TLCD4: variants seen among roughly 807,000 people sequenced by gnomAD.
TLCD4 encodes the protein TLC domain-containing protein 4.
In TLCD4, 7 loss-of-function variants were observed where a neutral mutation model predicts 24.2. The observed-to-expected ratio is 0.29, with a 90% confidence interval of 0.16 to 0.54. The LOEUF (loss-of-function observed/expected upper bound fraction) is 0.54, where lower values mean the gene tolerates loss of function less well. Among genes scored for constraint, TLCD4 ranks in the 20% least tolerant of loss-of-function variants. The probability of loss-of-function intolerance (pLI) is 0.95; values close to 1 mark genes in which losing one functional copy is unlikely to be tolerated. For synonymous variants in TLCD4, 103 were observed against 106.4 expected (o/e 0.97, Z 0.20); for missense variants, 259 against 313.9 (o/e 0.82, Z 1.32).
chr1:95,126,848 C>A (rs1676750635), intron 1 of TLCD4, among the ~76,000 whole-genome samples: 3 of 152,144 alleles, frequency 2.0e-5, no homozygotes, highest in Admixed American at 2.0e-4. Context: ...AGCCTCTCTT[C>A]TGTTGTATTC....
intron 1 of TLCD4, among the ~76,000 whole-genome samples, chr1:95,133,954 C>G (rs987387596): frequency 2.0e-5 from 3 of 151,370 alleles, no homozygotes; most frequent in African/African-American, 7.3e-5. Context: ...GGGATGTAAG[C>G]TGATTAAAGA....
At chr1:95,116,329 C>T (rs1333402274), upstream of TLCD4, among the ~76,000 whole-genome samples, 3 of 152,128 alleles carry the variant, frequency 2.0e-5, no homozygotes, top group African/African-American at 7.2e-5. Flanking sequence ...TTCTATTGCC[C>T]TCTCTTGAAA....
At chr1:95,096,673 C>T in the TLCD4 span, among the ~76,000 whole-genome samples, 13 of 152,194 alleles carry the variant, frequency 8.5e-5, no homozygotes, top group East Asian at 1.9e-4. Context: ...ATTTTCCAGA[C>T]GTGATTTCAG....
At chr1:95,116,576 G>A (rs746942345), upstream of TLCD4, among the ~76,000 whole-genome samples, 8 of 152,200 alleles carry the variant, frequency 5.3e-5, no homozygotes, top group African/African-American at 1.7e-4. Context: ...TAATGCATGA[G>A]TATACCTCTT....
rs1679046247 is a variant in TLCD4 at position 95,192,096 on chromosome 1, G to GA, written c.*229dup. ...TCGATCACTGAGGTCAGGAGTTCGA[G>GA]ACTAGCTTGGCCAACATGGTGAAAC... On this transcript the variant is annotated 3_prime_UTR_variant, in exon 7 of 7. Transcript: ENST00000370203. 2 of 915,800 alleles carry GA rather than the reference G, an allele frequency of 2.2e-6. No individual in the cohort carries two copies. The highest frequency in any genetic ancestry group is 3.0e-6 in the Non-Finnish European group (2 of 676,904). 56.7% of individuals were successfully genotyped at this position (915,800 alleles called of 1,614,324 possible). A position where few individuals can be genotyped will look rare whatever the true frequency, so the allele number is the denominator to read the frequency against.
intron 2 of TLCD4, among the ~76,000 whole-genome samples, chr1:95,144,595 GTT>G (rs199622981): frequency 6.9e-6 from 1 of 145,876 alleles, no homozygotes. Flanking sequence ...TTTCTTTTTA[GTT>G]TTTTTTTTTT....
At chr1:95,162,061 C>G (rs1251104155) in intron 5 of TLCD4, among the ~76,000 whole-genome samples, 1 of 152,024 alleles carries the variant, frequency 6.6e-6, no homozygotes, top group East Asian at 1.9e-4. Context: ...ATCCTGGTAA[C>G]TTTCTGTCTC....
chr1:95,171,953 A>G (rs1571769689), intron 5 of TLCD4, among the ~76,000 whole-genome samples: 1 of 152,162 alleles, frequency 6.6e-6, no homozygotes, highest in South Asian at 2.1e-4. Context: ...TCTCCTTGTG[A>G]AAAGGGGAAA....
chr1:95,161,237 T>C (rs1677789658), intron 5 of TLCD4, among the ~76,000 whole-genome samples: 1 of 152,222 alleles, frequency 6.6e-6, no homozygotes, highest in East Asian at 1.9e-4. Context: ...CTTGGGAGGG[T>C]GTATGTGTCC....
intron 6 of TLCD4, among the ~76,000 whole-genome samples, chr1:95,184,934 A>G (rs1451193270): frequency 1.3e-5 from 2 of 152,230 alleles, no homozygotes; most frequent in African/African-American, 4.8e-5. Context: ...CTTTGAAAGA[A>G]ACTGGTTTAA....
intron 6 of TLCD4, among the ~76,000 whole-genome samples, chr1:95,191,140 T>G (rs1334124370): frequency 6.6e-6 from 1 of 152,210 alleles, no homozygotes; most frequent in Non-Finnish European, 1.5e-5. Context: ...TTGAGTTAAT[T>G]TTTGTGTAAG....
intron 1 of TLCD4, among the ~76,000 whole-genome samples, chr1:95,141,940 G>A (rs533750501): frequency 6.6e-6 from 1 of 152,218 alleles, no homozygotes; most frequent in East Asian, 1.9e-4. Context: ...ATGAAGTGGG[G>A]TTATTGCTAG....
chr1:95,171,429 G>A (rs1384914876), intron 5 of TLCD4, among the ~76,000 whole-genome samples: 1 of 152,186 alleles, frequency 6.6e-6, no homozygotes, highest in Non-Finnish European at 1.5e-5. Flanking sequence ...TGCAACTTAA[G>A]TGTGTTGTAA....
chr1:95,124,510 C>T (rs559109758), intron 1 of TLCD4, among the ~76,000 whole-genome samples: 68 of 152,288 alleles, frequency 4.5e-4, no homozygotes, highest in Non-Finnish European at 1.3e-4. Flanking sequence ...CTTTGCCTTA[C>T]GATGCCATCT....
chr1:95,110,554 T>G, the TLCD4 span, among the ~76,000 whole-genome samples: 4 of 152,108 alleles, frequency 2.6e-5, no homozygotes, highest in African/African-American at 9.7e-5. Flanking sequence ...ACCGAAAGTA[T>G]ATGCAAGTAT....
Position 95,185,055 on chromosome 1 carries a change from T to G in TLCD4, c.474-6495T>G, listed in dbSNP as rs185136032. ...TTTTCTTTTTTTTTAAATTATACTT[T>G]AAGTTTTAGGGTACATGTGCACATA... On this transcript the variant is annotated intron_variant, in intron 6 of 6. Transcript: ENST00000370203. Among the ~76,000 whole-genome samples, 119 of 152,190 alleles carry G rather than the reference T, an allele frequency of 7.8e-4. 1 individual carries two copies. The highest frequency in any genetic ancestry group is 1.5e-5 in the Non-Finnish European group (1 of 68,014).
intron 6 of TLCD4, among the ~76,000 whole-genome samples, chr1:95,188,940 C>T (rs1678930938): frequency 6.6e-6 from 1 of 152,152 alleles, no homozygotes; most frequent in Admixed American, 6.5e-5. Flanking sequence ...TCCTAGCTGA[C>T]AGAACCTGGA....
At chr1:95,161,494 CTA>C (rs1447072685) in intron 5 of TLCD4, among the ~76,000 whole-genome samples, 1 of 152,160 alleles carries the variant, frequency 6.6e-6, no homozygotes, top group African/African-American at 2.4e-5. Flanking sequence ...TTTTGTGTCT[CTA>C]TCTCCTTCAG....
intron 1 of TLCD4, among the ~76,000 whole-genome samples, chr1:95,135,341 C>T (rs1336332697): frequency 1.3e-5 from 2 of 150,806 alleles, no homozygotes; most frequent in Non-Finnish European, 2.9e-5. Flanking sequence ...AAACTGCCCA[C>T]TTGTGTCATT....
Sources: allele counts gnomAD v4.1 joint callset (sites outside exome capture counted in the v4.1 genomes callset), GRCh38; gene constraint gnomAD v4.1.1; transcripts MANE v1.5; gene names NCBI Gene and HGNC (gene_info 2026-07-23, HGNC 2026-07-21).